Variants in DTNA observed in about 807,000 individuals in gnomAD.
DTNA encodes dystrobrevin alpha, also known as dystrophin-related protein 3.
Under a neutral mutation model 100.7 loss-of-function variants are expected in DTNA, and 43 were observed. The observed-to-expected ratio is 0.43, with a 90% CI of 0.33 to 0.55. The LOEUF (loss-of-function observed/expected upper bound fraction) is 0.55. Ranked by LOEUF, DTNA falls within the 20% of genes least tolerant of loss-of-function variation. The pLI, the probability that DTNA is intolerant of heterozygous loss-of-function variation, is 0.04. For synonymous variants in DTNA, 349 were observed against 347.9 expected (o/e 1.00, Z -0.04); for missense variants, 798 against 953.9 (o/e 0.84, Z 2.15).
chr18:34,578,146 T>TAA (rs769730921), intron 1 of DTNA, among the ~76,000 whole-genome samples: 15,394 of 151,856 alleles, frequency 0.1, 1,118 homozygotes, highest in African/African-American at 0.2. Context: ...GTTTTTTTTT[T>TAA]ATTTTTTTAT....
At chr18:34,634,683 G>A (rs1167288669) in intron 1 of DTNA, among the ~76,000 whole-genome samples, 1 of 152,032 alleles carries the variant, frequency 6.6e-6, no homozygotes, top group Non-Finnish European at 1.5e-5. Context: ...AACTCAAAAA[G>A]TGGTTGTTTC....
intron 1 of DTNA, among the ~76,000 whole-genome samples, chr18:34,524,456 C>G (rs1219254171): frequency 1.3e-5 from 2 of 152,004 alleles, no homozygotes; most frequent in African/African-American, 2.4e-5. Context: ...TCTTGAGAAC[C>G]AATCAAAAAA....
intron 1 of DTNA, among the ~76,000 whole-genome samples, chr18:34,599,443 G>T (rs1206356320): frequency 6.6e-6 from 1 of 152,050 alleles, no homozygotes; most frequent in Non-Finnish European, 1.5e-5. Flanking sequence ...CCTACCTTTT[G>T]TTCTAACTGT....
At chr18:34,536,748 C>G (rs1037021315) in intron 1 of DTNA, among the ~76,000 whole-genome samples, 2 of 151,716 alleles carry the variant, frequency 1.3e-5, no homozygotes, top group Non-Finnish European at 2.9e-5. Context: ...TATGTGCTAC[C>G]CATGTGTTAA....
chr18:34,655,538 A>G (rs1174108529), intron 1 of DTNA, among the ~76,000 whole-genome samples: 2 of 152,216 alleles, frequency 1.3e-5, no homozygotes, highest in African/African-American at 4.8e-5. Context: ...TAAGCAGACT[A>G]TTGTGCATTT....
intron 1 of DTNA, among the ~76,000 whole-genome samples, chr18:34,621,023 TTTG>T (rs1305720459): frequency 6.6e-6 from 1 of 151,982 alleles, no homozygotes; most frequent in African/African-American, 2.4e-5. Flanking sequence ...AGTGCTATTT[TTTG>T]TTATCAAGGG....
intron 1 of DTNA, among the ~76,000 whole-genome samples, chr18:34,620,874 A>T (rs2147853804): frequency 6.6e-6 from 1 of 152,216 alleles, no homozygotes; most frequent in East Asian, 1.9e-4. Flanking sequence ...AAAACATACC[A>T]CTTATTACAA....
At position 34,879,614 on chromosome 18, in the gene DTNA, T is replaced by G; in HGVS notation, c.2057T>G (p.Leu686Arg). ...TTTGCACGGACTCAGTTTGAGGATC[T>G]TGTTCCCTCACCAACCTCTGAAAAG... ...SEFARTQFED[L>R]VPSPTSEKAF... Residue 686 changes from leucine to arginine, a missense_variant, in exon 20 of 23, where the codon CTT (leucine) becomes CGT (arginine). Physicochemically the swap from Leu to Arg is moderately radical, Grantham distance 102 (BLOSUM62 -2). Coordinates refer to ENST00000444659, the MANE Select transcript of DTNA (RefSeq NM_001386795.1). The G allele has an allele frequency of 6.2e-7, 1 of 1,614,116 alleles. No homozygotes were observed. The highest frequency in any genetic ancestry group is 8.5e-7 in the Non-Finnish European group (1 of 1,180,000).
At chr18:34,624,506 TCAAA>T (rs1024546066) in intron 1 of DTNA, among the ~76,000 whole-genome samples, 16 of 152,208 alleles carry the variant, frequency 1.1e-4, no homozygotes, top group African/African-American at 3.9e-4. Flanking sequence ...TAGGAAAGCA[TCAAA>T]CATTTTCTTC....
chr18:34,796,309 T>C (rs1428111501), intron 4 of DTNA, among the ~76,000 whole-genome samples: 3 of 152,240 alleles, frequency 2.0e-5, no homozygotes, highest in African/African-American at 4.8e-5. Context: ...GCTAACTGGA[T>C]ATGTAATTTA....
intron 1 of DTNA, among the ~76,000 whole-genome samples, chr18:34,648,450 C>T (rs1404530460): frequency 6.6e-6 from 1 of 152,090 alleles, no homozygotes; most frequent in East Asian, 1.9e-4. Flanking sequence ...TAAATCAGTG[C>T]AGTGGTTTAA....
intron 6 of DTNA, 138 bp from the exon 7 acceptor site, chr18:34,815,771 T>A (rs2095582718): frequency 1.3e-6 from 1 of 783,812 alleles, no homozygotes; most frequent in East Asian, 2.6e-5. Flanking sequence ...AATAACACAT[T>A]TGGCAAGTTC....
At chr18:34,507,267 C>T (rs2040584506) in intron 1 of DTNA, among the ~76,000 whole-genome samples, 1 of 152,196 alleles carries the variant, frequency 6.6e-6, no homozygotes, top group Non-Finnish European at 1.5e-5. Flanking sequence ...GCTCTACTCT[C>T]ACTAAATGCT....
chr18:34,620,729 G>T (rs1303928511), intron 1 of DTNA, among the ~76,000 whole-genome samples: 3 of 152,254 alleles, frequency 2.0e-5, no homozygotes, highest in South Asian at 4.1e-4. Flanking sequence ...CAGATCTCAT[G>T]AGAACAGCAC....
At chr18:34,666,760 T>G (rs1034331037) in intron 1 of DTNA, among the ~76,000 whole-genome samples, 5 of 152,090 alleles carry the variant, frequency 3.3e-5, no homozygotes, top group Admixed American at 2.0e-4. Context: ...CTGAGGCCTC[T>G]GTTCTGTTCC....
intron 1 of DTNA, among the ~76,000 whole-genome samples, chr18:34,613,516 T>C (rs541452324): frequency 6.6e-6 from 1 of 152,334 alleles, no homozygotes; most frequent in East Asian, 1.9e-4. Context: ...GGGAAAGTTC[T>C]TGAAGGAAAT....
intron 1 of DTNA, among the ~76,000 whole-genome samples, chr18:34,676,091 T>C (rs1428959412): frequency 1.3e-5 from 2 of 152,234 alleles, no homozygotes; most frequent in Non-Finnish European, 2.9e-5. Context: ...CCACAGAATC[T>C]GGGCTGAGAG....
chr18:34,602,864 G>A (rs1349761806), intron 1 of DTNA, among the ~76,000 whole-genome samples: 3 of 151,802 alleles, frequency 2.0e-5, no homozygotes, highest in African/African-American at 4.8e-5. Context: ...TCAGCCGGGC[G>A]TGGTGGCAGG....
rs1048991651 is a variant in DTNA at position 34,841,742 on chromosome 18, T to G, written c.1346+2905T>G. Reference sequence around the variant, plus strand: ...TTGCAAACAGGTCTTATGACACTGGTTCCCATCTATTTTCCACCCCATTCC... The same window carrying G: ...TTGCAAACAGGTCTTATGACACTGGGTCCCATCTATTTTCCACCCCATTCC... On this transcript the variant is annotated intron_variant, in intron 13 of 22. Coordinates refer to ENST00000444659, the MANE Select transcript of DTNA (RefSeq NM_001386795.1). 3.9e-5 allele frequency among the ~76,000 whole-genome samples: 6 copies of G among 152,268 alleles called. No individual in the cohort carries two copies. The South Asian group carries it at 1.2e-3, about 32-fold the overall frequency.
Sources: gnomAD v4.1 joint callset for allele counts (sites outside exome capture counted in the v4.1 genomes callset) on GRCh38, gnomAD v4.1.1 for gene constraint, MANE v1.5 for transcripts, NCBI Gene and HGNC (gene_info 2026-07-23, HGNC 2026-07-21) for gene names.